The following CHSY3 variants were observed in gnomAD, a reference collection of about 807,000 sequenced individuals.
The protein encoded by CHSY3 is chondroitin sulfate synthase 3.
Under a neutral mutation model 67.2 loss-of-function variants are expected in CHSY3, and 35 were observed. The observed-to-expected ratio is 0.52, with a 90% CI of 0.40 to 0.69. The LOEUF is 0.69. CHSY3 is among the 30% of genes least tolerant of loss of function. The probability of loss-of-function intolerance (pLI) is 0.00; values close to 1 mark genes in which losing one functional copy is unlikely to be tolerated. For synonymous variants in CHSY3, 474 were observed against 434.7 expected (o/e 1.09, Z -1.12); for missense variants, 1,069 against 1,138.5 (o/e 0.94, Z 0.88).
chr5:130,146,169 A>G (rs1413661023), intron 2 of CHSY3, among the ~76,000 whole-genome samples: 1 of 152,188 alleles, frequency 6.6e-6, no homozygotes, highest in African/African-American at 2.4e-5. Context: ...TTGTAGCACT[A>G]TTTATAATAG....
At chr5:130,060,720 T>C (rs1262144314) in intron 2 of CHSY3, among the ~76,000 whole-genome samples, 1 of 152,096 alleles carries the variant, frequency 6.6e-6, no homozygotes, top group Non-Finnish European at 1.5e-5. Context: ...AGTTTCAGGA[T>C]ACAAAAATCA....
At chr5:130,027,168 A>G (rs1334355671) in intron 2 of CHSY3, among the ~76,000 whole-genome samples, 1 of 152,148 alleles carries the variant, frequency 6.6e-6, no homozygotes, top group African/African-American at 2.4e-5. Context: ...TGGCATTAAG[A>G]AGCTCTGCCA....
rs374110257 is a variant in CHSY3, at chr5:130,121,654, A to G, written c.1087-62575A>G. Reference sequence around the variant, plus strand: ...AATTTGGGGGGTAATTTAGGGCAGCAATATTGTTTAGTATACTTGAAACCA... The same window carrying G: ...AATTTGGGGGGTAATTTAGGGCAGCGATATTGTTTAGTATACTTGAAACCA... On this transcript the variant is annotated intron_variant, in intron 2 of 2. Transcript: ENST00000305031. Among the ~76,000 whole-genome samples the G allele has an allele frequency of 1.1e-4, 16 of 152,310 alleles. 1 individual carries two copies. The highest frequency in any genetic ancestry group is 6.5e-4 in the Admixed American group (10 of 15,298).
At chr5:129,956,471 C>T (rs192182946) in intron 2 of CHSY3, among the ~76,000 whole-genome samples, 126 of 151,996 alleles carry the variant, frequency 8.3e-4, no homozygotes, top group African/African-American at 2.6e-3. Context: ...TTGTCAAATG[C>T]GGTTTGCAAA....
chr5:130,071,500 A>C (rs1215458587), intron 2 of CHSY3, among the ~76,000 whole-genome samples: 1 of 151,706 alleles, frequency 6.6e-6, no homozygotes, highest in Admixed American at 6.6e-5. Context: ...ACTGCGCAAA[A>C]TATAGCTGAG....
At chr5:129,999,070 C>A (rs978505889) in intron 2 of CHSY3, among the ~76,000 whole-genome samples, 2 of 150,834 alleles carry the variant, frequency 1.3e-5, no homozygotes, top group Admixed American at 1.3e-4. Flanking sequence ...AAACCCTGAT[C>A]CATCTGGAAT....
chr5:129,936,324 A>T (rs1054367200), intron 2 of CHSY3, among the ~76,000 whole-genome samples: 3 of 152,284 alleles, frequency 2.0e-5, no homozygotes, highest in African/African-American at 7.2e-5. Context: ...AATTTTTTTT[A>T]AAAAGGATCT....
Position 129,906,185 on chromosome 5 carries a change from A to G in CHSY3, c.802+554A>G, listed in dbSNP as rs114620543. 2.4e-3 allele frequency among the ~76,000 whole-genome samples: 369 copies of G among 152,026 alleles called. 2 individuals are homozygous for G. The highest frequency in any genetic ancestry group is 8.2e-3 in the African/African-American group (340 of 41,428). On this transcript the variant is annotated intron_variant, in intron 1 of 2. Coordinates refer to ENST00000305031, the MANE Select transcript of CHSY3 (RefSeq NM_175856.5). ...TCTTCGCTGTCCCGGACCCTTTCCT[A>G]TGTGTTCCCTTCCCTTTGGCTCAAC...
chr5:130,151,685 T>A (rs964424287), intron 2 of CHSY3, among the ~76,000 whole-genome samples: 1 of 152,050 alleles, frequency 6.6e-6, no homozygotes, highest in Non-Finnish European at 1.5e-5. Flanking sequence ...CGAAGAAGTG[T>A]CAAGCAAACG....
chr5:129,980,908 C>T (rs1485595773), intron 2 of CHSY3, among the ~76,000 whole-genome samples: 1 of 152,032 alleles, frequency 6.6e-6, no homozygotes, highest in African/African-American at 2.4e-5. Flanking sequence ...ACTGCCTTTG[C>T]TCCTTAGTCA....
intron 2 of CHSY3, among the ~76,000 whole-genome samples, chr5:130,102,003 T>A (rs1393495283): frequency 6.6e-6 from 1 of 152,156 alleles, no homozygotes; most frequent in Non-Finnish European, 1.5e-5. Context: ...AACTGTATCA[T>A]GAAAAACAAC....
chr5:129,982,127 C>T (rs746744329), intron 2 of CHSY3, among the ~76,000 whole-genome samples: 3 of 151,838 alleles, frequency 2.0e-5, no homozygotes, highest in Non-Finnish European at 4.4e-5. Context: ...ATTTGTGTAC[C>T]ATGCATATTT....
intron 2 of CHSY3, among the ~76,000 whole-genome samples, chr5:129,994,331 T>C (rs955379647): frequency 2.0e-5 from 3 of 152,156 alleles, no homozygotes; most frequent in South Asian, 2.1e-4. Context: ...CCATTCTCCC[T>C]GTCACTTTCA....
intron 2 of CHSY3, among the ~76,000 whole-genome samples, chr5:130,099,344 G>A (rs1481091833): frequency 1.3e-5 from 2 of 152,186 alleles, no homozygotes; most frequent in Non-Finnish European, 1.5e-5. Context: ...TATGCTGGTA[G>A]CAATATAGAG....
chr5:130,116,164 A>C (rs868838047), intron 2 of CHSY3, among the ~76,000 whole-genome samples: 3 of 152,154 alleles, frequency 2.0e-5, no homozygotes, highest in Admixed American at 6.5e-5. Flanking sequence ...AAGATACTTG[A>C]CCCAAATAGC....
At position 130,076,479 on chromosome 5, in the gene CHSY3, C is replaced by T. The variant is rs566335680; in HGVS notation, c.1087-107750C>T. ...TTTTTTTTCCCATTTTGGTATCCTG[C>T]GTCTTATACAGTAAAATAGTAGTAA... On this transcript the variant is annotated intron_variant, in intron 2 of 2. Transcript: ENST00000305031. Among the ~76,000 whole-genome samples, 8 of 151,344 alleles carry T rather than the reference C, an allele frequency of 5.3e-5. No homozygotes were observed. In the East Asian group the frequency reaches 5.9e-4, roughly 11 times the overall value.
chr5:129,984,671 C>T (rs4289588), intron 2 of CHSY3, among the ~76,000 whole-genome samples: 77,255 of 151,972 alleles, frequency 0.51, 20,413 homozygotes, highest in Non-Finnish European at 0.59. Flanking sequence ...TCTTTGTAAT[C>T]TTGTCAGCAT....
chr5:130,043,381 G>A (rs1266568745), intron 2 of CHSY3, among the ~76,000 whole-genome samples: 1 of 152,020 alleles, frequency 6.6e-6, no homozygotes, highest in Non-Finnish European at 1.5e-5. Context: ...ATATTTCCCT[G>A]AGAATAGATT....
chr5:130,054,921 G>A (rs1475811643), intron 2 of CHSY3, among the ~76,000 whole-genome samples: 1 of 152,062 alleles, frequency 6.6e-6, no homozygotes, highest in Non-Finnish European at 1.5e-5. Flanking sequence ...AGCCACCTGG[G>A]GAATTTACTA....
Sources: gnomAD v4.1 joint callset for allele counts (sites outside exome capture counted in the v4.1 genomes callset) on GRCh38, gnomAD v4.1.1 for gene constraint, MANE v1.5 for transcripts, NCBI Gene and HGNC (gene_info 2026-07-23, HGNC 2026-07-21) for gene names.